Variants in CTDP1 observed in about 807,000 individuals in gnomAD.
CTDP1 encodes RNA polymerase II subunit A C-terminal domain phosphatase.
CTDP1 carries 47 observed loss-of-function variants against 91.8 expected under a neutral mutation model. That is an observed-to-expected ratio of 0.51 (90% CI 0.41 to 0.65). The LOEUF is 0.65. CTDP1 is among the 30% of genes least tolerant of loss of function. The pLI is 0.00. For synonymous variants in CTDP1, 656 were observed against 598.5 expected (o/e 1.10, Z -1.40); for missense variants, 1,272 against 1,373.7 (o/e 0.93, Z 1.17).
chr18:79,756,304 AG>A (rs1336981873), downstream of CTDP1: 3 of 152,490 alleles, frequency 2.0e-5, no homozygotes, highest in African/African-American at 4.8e-5. Flanking sequence ...AGCCTCCATC[AG>A]CACCAGCCGT....
At chr18:79,728,076 A>C (rs1036573845) in intron 10 of CTDP1, among the ~76,000 whole-genome samples, 3 of 152,170 alleles carry the variant, frequency 2.0e-5, no homozygotes, top group African/African-American at 7.2e-5. Flanking sequence ...CTATACAAGC[A>C]CAAGATTTAC....
chr18:79,756,584 T>G (rs944194738), downstream of CTDP1: 5 of 152,236 alleles, frequency 3.3e-5, no homozygotes, highest in African/African-American at 1.2e-4. Flanking sequence ...TACTGAATAA[T>G]TATACAACTG....
At chr18:79,733,670 TCTG>T (rs1367764734) in intron 11 of CTDP1, among the ~76,000 whole-genome samples, 2 of 152,228 alleles carry the variant, frequency 1.3e-5, no homozygotes, top group African/African-American at 4.8e-5. Flanking sequence ...TTCAGCCTGT[TCTG>T]CTTCTCATGC....
chr18:79,715,520 C>A lies in CTDP1; in HGVS notation c.2060C>A (p.Ala687Glu). The A allele has an allele frequency of 6.4e-7, 1 of 1,552,274 alleles. No homozygotes were observed. Residue 687 changes from alanine (A) to glutamate (E), a missense_variant, in exon 8 of 13, where the codon GCG becomes GAG. Around this residue, in one of 3 missense-constraint regions of CTDP1, gnomAD observed 881 missense variants for 911.6 expected, o/e 0.97. Transcript: ENST00000613122. ...GACAGGGCCACGCACCTGATCGCCG[C>A]GCGAGCTGGTGAGTGCTGCCTCCCT... is the stretch of plus-strand genomic sequence containing the variant. The part of the protein sequence containing the change: ...APDRATHLIA[A>E]RAGTEKVLQA...
At chr18:79,722,542 G>A (rs2086365377) in intron 10 of CTDP1, among the ~76,000 whole-genome samples, 1 of 152,154 alleles carries the variant, frequency 6.6e-6, no homozygotes, top group African/African-American at 2.4e-5. Flanking sequence ...ATAATCGTCA[G>A]TTTGGTGGCG....
In CTDP1 at chr18:79,700,807, T is replaced by G. The variant is rs376390520; in HGVS notation, c.621+2819T>G. Among the ~76,000 whole-genome samples the G allele has an allele frequency of 9.8e-5, 15 of 152,358 alleles. No homozygotes were observed. The East Asian group carries it at 1.9e-3, about 20-fold the overall frequency. ...TAGCTGGAGAGGAGAAGTCAGTGTC[T>G]GGCTTCAAAGGACAGGCTGACTCTC... On this transcript the variant is annotated intron_variant, in intron 4 of 12. Transcript: ENST00000613122.
intron 4 of CTDP1, 46 bp from the exon 5 acceptor site, chr18:79,704,721 G>C: frequency 6.2e-7 from 1 of 1,610,284 alleles, no homozygotes; most frequent in Non-Finnish European, 8.5e-7. Context: ...GGGCGGCCGG[G>C]GCTCCTCAGG....
intron 8 of CTDP1, among the ~76,000 whole-genome samples, chr18:79,715,822 C>T (rs1296625075): frequency 6.6e-6 from 1 of 152,110 alleles, no homozygotes; most frequent in Non-Finnish European, 1.5e-5. Context: ...AGGGAATCAG[C>T]GATAGGGACG....
intron 8 of CTDP1, 81 bp from the exon 9 acceptor site, chr18:79,717,454 G>A: frequency 3.8e-6 from 6 of 1,590,478 alleles, no homozygotes; most frequent in South Asian, 2.2e-5. Context: ...CCAGGTGAGG[G>A]CCCTGGTGGG....
intron 4 of CTDP1, among the ~76,000 whole-genome samples, chr18:79,699,889 C>A (rs902650421): frequency 6.6e-6 from 1 of 152,206 alleles, no homozygotes; most frequent in African/African-American, 2.4e-5. Context: ...CTCGTTAGTG[C>A]TCTGCTGTTA....
At chr18:79,710,551 C>T (rs943729233) in intron 6 of CTDP1, 115 bp downstream of exon 6, 2 of 802,742 alleles carry the variant, frequency 2.5e-6, no homozygotes, top group Non-Finnish European at 4.2e-6. Flanking sequence ...GAGACGGAGT[C>T]TTGCTGTTGC....
intron 5 of CTDP1, among the ~76,000 whole-genome samples, chr18:79,709,453 G>GCT (rs1236246563): frequency 6.6e-6 from 1 of 152,230 alleles, no homozygotes; most frequent in African/African-American, 2.4e-5. Context: ...TCACAGTGGT[G>GCT]CTTCCTGAAG....
chr18:79,745,405 G>A (rs2086866048), intron 12 of CTDP1, among the ~76,000 whole-genome samples: 1 of 13,564 alleles, frequency 7.4e-5, no homozygotes, highest in African/African-American at 2.8e-4. Context: ...CTGTCCCCGC[G>A]TCCCTCCCGT....
chr18:79,703,945 C>T (rs182262751), intron 4 of CTDP1, among the ~76,000 whole-genome samples: 23 of 152,032 alleles, frequency 1.5e-4, no homozygotes, highest in Non-Finnish European at 5.9e-5. Flanking sequence ...CTAGGCGGGT[C>T]GTTGCAGGCA....
rs2085386814 is a variant in CTDP1 at position 79,682,204 on chromosome 18, C to T, written c.314+1943C>T. On this transcript the variant is annotated intron_variant, in intron 1 of 12. Coordinates refer to ENST00000613122, the MANE Select transcript of CTDP1 (RefSeq NM_004715.5). Reference sequence around the variant, plus strand: ...TGTGGTCCAGATGACACTGCCCTGGCTCTGGGGGGCTGCCGTTGGGAGCCG... The same window carrying T: ...TGTGGTCCAGATGACACTGCCCTGGTTCTGGGGGGCTGCCGTTGGGAGCCG... Among the ~76,000 whole-genome samples the T allele has an allele frequency of 3.3e-5, 5 of 152,344 alleles. No homozygotes were observed. The South Asian group carries it at 8.3e-4, about 25-fold the overall frequency.
chr18:79,728,640 CG>C (rs1295434932), intron 10 of CTDP1, among the ~76,000 whole-genome samples: 1 of 85,480 alleles, frequency 1.2e-5, no homozygotes, highest in Non-Finnish European at 3.2e-5. Flanking sequence ...CTCTGCCCCA[CG>C]GGGGTTTTGT....
chr18:79,729,176 A>G (rs879031449), intron 11 of CTDP1, 107 bp downstream of exon 11: 2 of 1,385,350 alleles, frequency 1.4e-6, no homozygotes, highest in South Asian at 2.3e-5. Context: ...GCCGAGCTAG[A>G]GTCCTGCACT....
chr18:79,745,306 G>A (rs1313468999), intron 12 of CTDP1, among the ~76,000 whole-genome samples: 3 of 123,288 alleles, frequency 2.4e-5, no homozygotes, highest in African/African-American at 6.7e-5. Flanking sequence ...CCTCCCGTGC[G>A]CGTTCTGTCC....
chr18:79,747,764 T>C (rs1425860051), intron 12 of CTDP1, among the ~76,000 whole-genome samples: 1 of 152,152 alleles, frequency 6.6e-6, no homozygotes, highest in Non-Finnish European at 1.5e-5. Flanking sequence ...GGCCTCACGG[T>C]GAGCAGCACT....
Sources: allele counts gnomAD v4.1 joint callset (sites outside exome capture counted in the v4.1 genomes callset), GRCh38; gene constraint gnomAD v4.1.1; regional missense constraint gnomAD v4.1.1; transcripts MANE v1.5; gene names NCBI Gene and HGNC (gene_info 2026-07-23, HGNC 2026-07-21).